The following CWC27 variants were observed in gnomAD, a reference collection of about 807,000 sequenced individuals.
The protein encoded by CWC27 is CWC27 spliceosome associated cyclophilin.
CWC27 carries 47 observed loss-of-function variants against 63.6 expected under a neutral mutation model. That is an observed-to-expected ratio of 0.74 (90% CI 0.58 to 0.94). CWC27 has a LOEUF of 0.94. Ranked by LOEUF, CWC27 falls within the 40% of genes least tolerant of loss-of-function variation. CWC27 has a pLI of 0.00. For missense variants in CWC27, 495 were observed against 554.3 expected (o/e 0.89, Z 1.07); for synonymous variants, 175 against 179.8 (o/e 0.97, Z 0.22).
At chr5:64,876,006 G>A (rs1746784297) in intron 10 of CWC27, among the ~76,000 whole-genome samples, 1 of 152,048 alleles carries the variant, frequency 6.6e-6, no homozygotes, top group Admixed American at 6.5e-5. Flanking sequence ...AGTGAACTGA[G>A]GCTTACATTG....
chr5:64,817,912 T>C (rs565221130), intron 10 of CWC27, among the ~76,000 whole-genome samples: 1 of 152,306 alleles, frequency 6.6e-6, no homozygotes, highest in Non-Finnish European at 1.5e-5. Context: ...GTTATATCTT[T>C]AAATGTAATT....
chr5:64,976,608 C>T (rs2112446468), intron 12 of CWC27, among the ~76,000 whole-genome samples: 1 of 152,192 alleles, frequency 6.6e-6, no homozygotes, highest in Non-Finnish European at 1.5e-5. Flanking sequence ...TCATAGGTCA[C>T]TACAGCCTAA....
At chr5:64,829,016 G>A (rs1350240850) in intron 10 of CWC27, among the ~76,000 whole-genome samples, 1 of 152,110 alleles carries the variant, frequency 6.6e-6, no homozygotes, top group Non-Finnish European at 1.5e-5. Context: ...TGTTGAATCT[G>A]TGATCATGCA....
intron 11 of CWC27, among the ~76,000 whole-genome samples, chr5:64,962,197 C>T (rs1174588522): frequency 6.6e-6 from 1 of 152,178 alleles, no homozygotes; most frequent in Non-Finnish European, 1.5e-5. Context: ...GTTCTGGCAA[C>T]ATGGACTGAG....
chr5:64,801,528 T>C (rs1744487471), intron 9 of CWC27, among the ~76,000 whole-genome samples, 196 bp downstream of exon 9: 1 of 152,144 alleles, frequency 6.6e-6, no homozygotes, highest in Non-Finnish European at 1.5e-5. Flanking sequence ...TGTGCGTGTG[T>C]GTGTGTGTAT....
intron 10 of CWC27, among the ~76,000 whole-genome samples, chr5:64,845,893 A>G (rs1365014818): frequency 6.6e-6 from 1 of 152,230 alleles, no homozygotes; most frequent in Non-Finnish European, 1.5e-5. Flanking sequence ...CAGAAATTTC[A>G]ATCAAATTCA....
At chr5:64,854,844 A>T (rs1746215009) in intron 10 of CWC27, among the ~76,000 whole-genome samples, 2 of 151,662 alleles carry the variant, frequency 1.3e-5, no homozygotes, top group East Asian at 1.9e-4. Context: ...GATTCTAGGA[A>T]TTTTTTTTTA....
chr5:64,841,428 G>C (rs1051000490), intron 10 of CWC27, among the ~76,000 whole-genome samples: 1 of 152,150 alleles, frequency 6.6e-6, no homozygotes, highest in Non-Finnish European at 1.5e-5. Flanking sequence ...TTCAACATGA[G>C]TTTTGGAGGG....
intron 3 of CWC27, among the ~76,000 whole-genome samples, chr5:64,782,834 A>T (rs1030406243): frequency 1.3e-5 from 2 of 152,200 alleles, no homozygotes; most frequent in African/African-American, 4.8e-5. Flanking sequence ...AGAAATGTGG[A>T]ATAGTTATTT....
At chr5:64,960,480 G>A (rs765737642) in intron 11 of CWC27, among the ~76,000 whole-genome samples, 57 of 152,008 alleles carry the variant, frequency 3.7e-4, no homozygotes, top group Admixed American at 7.9e-4. Context: ...GTTAGCCATC[G>A]TGTTAGCTAT....
rs571051416 is a variant in CWC27 at position 64,880,853 on chromosome 5, C to CTTTTTTTTTT, written c.939-4590_939-4589insTTTTTTTTTT. 1.3e-4 allele frequency among the ~76,000 whole-genome samples: 18 copies of CTTTTTTTTTT among 136,082 alleles called. 1 individual carries two copies. Among genetic ancestry groups the CTTTTTTTTTT allele is most frequent in the East Asian group, 2.3e-4 (1 of 4,374 alleles). The allele number at this position is 136,082 out of a possible 152,430, so 89.3% of individuals were successfully genotyped here. The stretch of plus-strand genomic sequence containing the variant: ...AGAGTTAGTAACAGTTTATAAAAGC[C>CTTTTTTTTTT]ATTTTTTTTTTTTTTTTTTTTACCA... On this transcript the variant is annotated intron_variant, in intron 10 of 13. Coordinates refer to ENST00000381070, the MANE Select transcript of CWC27 (RefSeq NM_005869.4).
At chr5:65,010,096 A>G (rs1196357062) in intron 13 of CWC27, among the ~76,000 whole-genome samples, 1 of 152,210 alleles carries the variant, frequency 6.6e-6, no homozygotes, top group Non-Finnish European at 1.5e-5. Flanking sequence ...CATACCACAG[A>G]GGTTTCATAG....
In CWC27 at chr5:64,922,320, T is replaced by G. The variant is rs140125536; in HGVS notation, c.1042+36774T>G. Among the ~76,000 whole-genome samples the G allele has an allele frequency of 5.2e-3, 793 of 152,302 alleles. 6 individuals carry two copies. Among genetic ancestry groups the G allele is most frequent in the African/African-American group, 0.018 (752 of 41,534 alleles). On this transcript the variant is annotated intron_variant, in intron 11 of 13. Coordinates refer to ENST00000381070, the MANE Select transcript of CWC27 (RefSeq NM_005869.4). Reference sequence around the variant, plus strand: ...ATAATCCCATATTTATCAGAGGTTTTGTTCATTTTTTACATTCTTTTTTCT... The same window carrying G: ...ATAATCCCATATTTATCAGAGGTTTGGTTCATTTTTTACATTCTTTTTTCT...
chr5:64,801,314 T>C lies in CWC27; in HGVS notation c.762T>C (p.Asp254=). The C allele has an allele frequency of 7.1e-7, 1 of 1,411,766 alleles. No homozygotes were observed. The highest frequency in any genetic ancestry group is 9.6e-7 in the Non-Finnish European group (1 of 1,046,854). 87.5% of individuals were successfully genotyped at this position (1,411,766 alleles called of 1,614,324 possible). A position where few individuals can be genotyped will look rare whatever the true frequency, so the allele number is the denominator to read the frequency against. The change falls in exon 9 of 14, where the codon GAT becomes GAC. Residue 254 remains aspartate, a synonymous_variant. Transcript: ENST00000381070. ...SVPVVESEKG[D]APDLVDDGED... ...ATTTTTTTTATAGTGAAAAAGGTGA[T>C]GCACCAGATTTAGTTGATGTAAGTA...
chr5:64,983,749 C>G (rs764132814), intron 13 of CWC27, among the ~76,000 whole-genome samples: 5 of 152,352 alleles, frequency 3.3e-5, no homozygotes, highest in Non-Finnish European at 7.3e-5. Context: ...TGGTCTGTGA[C>G]ATGGCATTTG....
At chr5:64,960,759 T>A (rs1383211543) in intron 11 of CWC27, among the ~76,000 whole-genome samples, 2 of 151,622 alleles carry the variant, frequency 1.3e-5, no homozygotes, top group African/African-American at 2.4e-5. Flanking sequence ...TAACAGTTGC[T>A]GTCACAGAAT....
intron 10 of CWC27, among the ~76,000 whole-genome samples, chr5:64,840,973 G>A (rs897105239): frequency 2.0e-5 from 3 of 152,172 alleles, no homozygotes; most frequent in African/African-American, 4.8e-5. Context: ...TCTCAATTAG[G>A]TGTCCCACAG....
At chr5:64,999,997 C>T (rs916257472) in intron 13 of CWC27, among the ~76,000 whole-genome samples, 2 of 151,924 alleles carry the variant, frequency 1.3e-5, no homozygotes, top group Non-Finnish European at 2.9e-5. Flanking sequence ...CACCAGCATT[C>T]GTTATTTGCT....
At chr5:64,782,480 A>AAATAAATAAATAAATT (rs1402439621) in intron 3 of CWC27, among the ~76,000 whole-genome samples, 1 of 151,766 alleles carries the variant, frequency 6.6e-6, no homozygotes, top group Non-Finnish European at 1.5e-5. Context: ...ATAAATAAAT[A>AAATAAATAAATAAATT]AATTGTCTGT....
Sources: allele counts gnomAD v4.1 joint callset (sites outside exome capture counted in the v4.1 genomes callset), GRCh38; gene constraint gnomAD v4.1.1; transcripts MANE v1.5; gene names NCBI Gene and HGNC (gene_info 2026-07-23, HGNC 2026-07-21).